Variants in IGSF22 observed in about 807,000 individuals in gnomAD.
IGSF22 encodes immunoglobulin superfamily, member 22.
Under a neutral mutation model 127.0 loss-of-function variants are expected in IGSF22, and 119 were observed. The observed-to-expected ratio is 0.94, with a 90% confidence interval of 0.81 to 1.09. The LOEUF (loss-of-function observed/expected upper bound fraction) is 1.09, where lower values mean the gene tolerates loss of function less well. IGSF22 is among the 50% of genes least tolerant of loss of function. The pLI is 0.00. For synonymous variants in IGSF22, 568 were observed against 664.7 expected, an observed-to-expected ratio of 0.85 and a Z score of 2.24; for missense variants, 1,518 against 1,716.6, an observed-to-expected ratio of 0.88 and a Z score of 2.04.
intron 18 of IGSF22, among the ~76,000 whole-genome samples, chr11:18,708,765 G>T (rs1281824185): frequency 6.6e-6 from 1 of 152,208 alleles, no homozygotes; most frequent in South Asian, 2.1e-4. Flanking sequence ...AGGCCACCAG[G>T]TTAGGAGGAT....
chr11:18,706,672 C>CGCA, intron 21 of IGSF22: 1 of 475,202 alleles, frequency 2.1e-6, no homozygotes, highest in Non-Finnish European at 3.7e-6. Flanking sequence ...TATGTCCCTC[C>CGCA]GCAGCCCCTC....
At position 18,714,498 on chromosome 11, in the gene IGSF22, A is replaced by G. The variant is rs756158537; in HGVS notation, c.1656+2T>C. 6.2e-7 allele frequency: 1 copy of G among 1,613,836 alleles called. No homozygotes were observed. The highest frequency in any genetic ancestry group is 2.2e-5 in the East Asian group (1 of 44,854). On this transcript the variant is annotated splice_donor_variant, in intron 12 of 22. Coordinates refer to ENST00000513874, the MANE Select transcript of IGSF22 (RefSeq NM_173588.4). LOFTEE classifies it high-confidence loss of function. ...CCCCCTTCCCTGGCCTCTGCTTCAG[A>G]CCTCCTTGCCATCCTTCAGCCACAC...
At chr11:18,712,002 C>T in intron 15 of IGSF22, 80 bp downstream of exon 15, 1 of 1,204,084 alleles carries the variant, frequency 8.3e-7, no homozygotes, top group Admixed American at 2.4e-5. Context: ...GAATTCCCCA[C>T]AGATCAGTGT....
At chr11:18,718,195 C>T (rs1480430836) in intron 8 of IGSF22, 102 bp from the exon 9 acceptor site, 5 of 1,070,596 alleles carry the variant, frequency 4.7e-6, no homozygotes, top group Non-Finnish European at 6.8e-6. Context: ...GGTGCATGTC[C>T]AACCCTCTAA....
At chr11:18,724,404 T>G (rs1490384607) in intron 1 of IGSF22, 135 bp from the exon 2 acceptor site, 3 of 529,022 alleles carry the variant, frequency 5.7e-6, no homozygotes, top group Non-Finnish European at 1.0e-5. Context: ...GAGCTCTCTT[T>G]TCTTCATTTC....
Position 18,712,352 on chromosome 11 carries a change from A to C in IGSF22, c.2128T>G (p.Phe710Val). 1 of 1,551,416 alleles carries C rather than the reference A, an allele frequency of 6.4e-7. No individual in the cohort carries two copies. The highest frequency in any genetic ancestry group is 8.7e-7 in the Non-Finnish European group (1 of 1,146,856). ...ACACAACTACCTGAGAGCTCCAGGAACTCCACCCGGCCCTGTGGAGGCTTT... is the reference window on the plus strand; with the variant it reads ...ACACAACTACCTGAGAGCTCCAGGACCTCCACCCGGCCCTGTGGAGGCTTT... ...RPKPPQGRVE[F>V]LELSGSCVHM... The change falls in exon 15 of 23, where the codon TTC (phenylalanine) becomes GTC (valine). Residue 710 changes from phenylalanine (F) to valine (V), a missense_variant. Physicochemically the swap from Phe to Val is conservative, Grantham distance 50. This residue lies in a region of IGSF22 where 1,456 missense variants were observed against 1,644.9 expected (regional missense o/e 0.89). Coordinates refer to ENST00000513874, the MANE Select transcript of IGSF22 (RefSeq NM_173588.4).
Position 18,721,556 on chromosome 11 carries a change from AAT to A in IGSF22, c.355_356del (p.Ile119Ter). On this transcript the variant is annotated frameshift_variant, in exon 4 of 23. Coordinates refer to ENST00000513874, the MANE Select transcript of IGSF22 (RefSeq NM_173588.4). LOFTEE classifies it high-confidence loss of function. Reference sequence around the variant, plus strand: ...GCACCTTCAGCACGTGTTCCTTGTTAATGCTGTCGTAGAATATCTTGGCGGAC... The same window carrying A: ...GCACCTTCAGCACGTGTTCCTTGTTAGCTGTCGTAGAATATCTTGGCGGAC... ...KESAKIFYDS[I>X]NKEHVLKLEP... is the part of the protein sequence containing the mutation. The A allele has an allele frequency of 6.2e-7, 1 of 1,614,142 alleles. No homozygotes were observed. The highest frequency in any genetic ancestry group is 8.5e-7 in the Non-Finnish European group (1 of 1,180,024).
intron 7 of IGSF22, 127 bp downstream of exon 7, chr11:18,719,589 A>G: frequency 1.2e-6 from 1 of 860,632 alleles, no homozygotes; most frequent in Non-Finnish European, 1.8e-6. Flanking sequence ...CACAGTGGAG[A>G]GTACGCCTCT....
At position 18,708,239 on chromosome 11, in the gene IGSF22, C is replaced by T; in HGVS notation, c.3055G>A (p.Gly1019Arg). ...RLKSHMVVRA[G>R]TALCIHAAFS... ...GCTGCATGGATGCAGAGGGCTGTCC[C>T]AGCGCGAACCACCATGTGACTCTTC... Residue 1019 changes from glycine (G) to arginine (R), a missense_variant, in exon 19 of 23, where the codon GGG (glycine) becomes AGG (arginine). Physicochemically the swap from Gly to Arg is moderately radical, Grantham distance 125. This residue lies in a region of IGSF22 where 1,456 missense variants were observed against 1,644.9 expected (regional missense o/e 0.89). Coordinates refer to ENST00000513874, the MANE Select transcript of IGSF22 (RefSeq NM_173588.4). The T allele has an allele frequency of 6.5e-7, 1 of 1,548,598 alleles. No individual in the cohort carries two copies. Among genetic ancestry groups the T allele is most frequent in the Non-Finnish European group, 8.7e-7 (1 of 1,145,582 alleles).
At chr11:18,710,491 G>T in intron 16 of IGSF22, 36 bp from the exon 17 acceptor site, 4 of 1,612,362 alleles carry the variant, frequency 2.5e-6, no homozygotes, top group Non-Finnish European at 3.4e-6. Flanking sequence ...GAGGCCAGAG[G>T]CATCCATGGG....
chr11:18,724,394 G>A (rs1224008894), intron 1 of IGSF22, 125 bp from the exon 2 acceptor site: 6 of 542,754 alleles, frequency 1.1e-5, no homozygotes, highest in South Asian at 2.6e-5. Flanking sequence ...GAGAGCAGTC[G>A]AGCTCTCTTT....
In IGSF22 at chr11:18,705,806, G is replaced by T. The variant is rs999139894; in HGVS notation, c.3910+11C>A. On this transcript the variant is annotated intron_variant, in intron 22 of 22. Coordinates refer to ENST00000513874, the MANE Select transcript of IGSF22 (RefSeq NM_173588.4). ...CCCCCTCCTCGAGGCCGGACCCCGCGGCGCCCTCACCATAGACGGTGAGCG... is the reference window on the plus strand; with the variant it reads ...CCCCCTCCTCGAGGCCGGACCCCGCTGCGCCCTCACCATAGACGGTGAGCG... 7 of 1,527,134 alleles carry T rather than the reference G, an allele frequency of 4.6e-6. No individual in the cohort carries two copies. In the African/African-American group the frequency reaches 8.3e-5, roughly 18 times the overall value. 94.6% of individuals were successfully genotyped at this position (1,527,134 alleles called of 1,614,324 possible).
chr11:18,719,602 G>T, intron 7 of IGSF22, 114 bp downstream of exon 7: 1 of 997,722 alleles, frequency 1.0e-6, no homozygotes, highest in Non-Finnish European at 1.5e-6. Context: ...ACGCCTCTGA[G>T]TATGTGTGTG....
chr11:18,715,268 T>C (rs901859156), intron 11 of IGSF22, among the ~76,000 whole-genome samples, 164 bp downstream of exon 11: 2 of 151,344 alleles, frequency 1.3e-5, no homozygotes, highest in African/African-American at 2.4e-5. Context: ...AGGTCAGAGA[T>C]GGTCAGAATT....
chr11:18,715,731 A>G lies in IGSF22; in HGVS notation c.1247-15T>C. 1 of 1,599,838 alleles carries G rather than the reference A, an allele frequency of 6.3e-7. No homozygotes were observed. The highest frequency in any genetic ancestry group is 1.3e-5 in the African/African-American group (1 of 74,932). On this transcript the variant is annotated splice_polypyrimidine_tract_variant and intron_variant, in intron 10 of 22. Transcript: ENST00000513874. ...GATGGGGATGCCTGTGGACAGACAGACACTTGGGCCTGCTCCCAAACCACG... is the reference window on the plus strand; with the variant it reads ...GATGGGGATGCCTGTGGACAGACAGGCACTTGGGCCTGCTCCCAAACCACG...
Position 18,709,136 on chromosome 11 carries a change from G to A in IGSF22, c.2998+251C>T, listed in dbSNP as rs1481827255. On this transcript the variant is annotated intron_variant, in intron 18 of 22. Transcript: ENST00000513874. The surrounding 1 kb of genome is among the most constrained non-coding windows in gnomAD (Gnocchi z 4.8). ...TGTGGTCTCAGTGAACTGGTTTTGC[G>A]TGTACAATGCGCAAGAAGAACCCAT... Among the ~76,000 whole-genome samples, 2 of 152,184 alleles carry A rather than the reference G, an allele frequency of 1.3e-5. No individual in the cohort carries two copies. The highest frequency in any genetic ancestry group is 2.9e-5 in the Non-Finnish European group (2 of 68,042).
intron 21 of IGSF22, chr11:18,706,499 T>C (rs934721293): frequency 5.8e-5 from 23 of 393,550 alleles, no homozygotes; most frequent in African/African-American, 3.0e-4. Context: ...GACCACAGTC[T>C]CCCCTCTTAT....
intron 2 of IGSF22, 143 bp from the exon 3 acceptor site, chr11:18,722,184 A>C: frequency 1.1e-6 from 1 of 950,834 alleles, no homozygotes; most frequent in Non-Finnish European, 1.6e-6. Context: ...CTACATGGGG[A>C]GAAAGCAGGG....
chr11:18,724,298 C>CA, intron 1 of IGSF22, 29 bp from the exon 2 acceptor site: 2 of 1,175,192 alleles, frequency 1.7e-6, no homozygotes, highest in Non-Finnish European at 2.5e-6. Context: ...CCATGAAGGA[C>CA]AAGACAGGGA....
Sources: allele counts gnomAD v4.1 joint callset (sites outside exome capture counted in the v4.1 genomes callset), GRCh38; gene constraint gnomAD v4.1.1; regional missense constraint gnomAD v4.1.1; non-coding constraint Gnocchi (gnomAD v3.1); transcripts MANE v1.5; gene names NCBI Gene and HGNC (gene_info 2026-07-23, HGNC 2026-07-21).